ANKS1B: variants seen among roughly 807,000 people sequenced by gnomAD.
The protein encoded by ANKS1B is ankyrin repeat and sterile alpha motif domain-containing protein 1B.
In ANKS1B, 36 loss-of-function variants were observed where a neutral mutation model predicts 148.3. That is an observed-to-expected ratio of 0.24 (90% confidence interval 0.19 to 0.32). The LOEUF is 0.32. ANKS1B is among the 10% of genes least tolerant of loss of function. The pLI is 1.00. For synonymous variants in ANKS1B, 542 were observed against 560.8 expected, an observed-to-expected ratio of 0.97 and a Z score of 0.47; for missense variants, 1,157 against 1,542.6, an observed-to-expected ratio of 0.75 and a Z score of 4.19.
At chr12:99,599,463 G>A (rs2097783881) in intron 9 of ANKS1B, among the ~76,000 whole-genome samples, 1 of 152,040 alleles carries the variant, frequency 6.6e-6, no homozygotes, top group South Asian at 2.1e-4. Flanking sequence ...AAATTGACAT[G>A]TTTTGATTTG....
chr12:99,579,325 A>C (rs1305349656), intron 9 of ANKS1B, among the ~76,000 whole-genome samples: 2 of 152,120 alleles, frequency 1.3e-5, no homozygotes, highest in African/African-American at 2.4e-5. Flanking sequence ...AAAGCAATGG[A>C]AACAAAAACA....
At chr12:99,048,345 G>T (rs2099963783) in intron 17 of ANKS1B, among the ~76,000 whole-genome samples, 1 of 152,180 alleles carries the variant, frequency 6.6e-6, no homozygotes, top group Admixed American at 6.5e-5. Context: ...TTTTTCTGAA[G>T]TTCATTTGTT....
chr12:99,577,647 C>A (rs1043579073), intron 9 of ANKS1B, among the ~76,000 whole-genome samples: 1 of 151,986 alleles, frequency 6.6e-6, no homozygotes, highest in Non-Finnish European at 1.5e-5. Flanking sequence ...TGGAAACATA[C>A]AACCTCCCAA....
intron 8 of ANKS1B, among the ~76,000 whole-genome samples, chr12:99,727,605 C>T (rs947490572): frequency 6.6e-6 from 1 of 152,150 alleles, no homozygotes; most frequent in Non-Finnish European, 1.5e-5. Flanking sequence ...CATCAAGCTA[C>T]CATTGACAAT....
At chr12:99,613,164 G>A (rs1330064305) in intron 9 of ANKS1B, among the ~76,000 whole-genome samples, 3 of 152,106 alleles carry the variant, frequency 2.0e-5, no homozygotes, top group Non-Finnish European at 4.4e-5. Context: ...AGTAAAGAAG[G>A]CATTTTCGAC....
At chr12:99,580,013 AG>A (rs1188727170) in intron 9 of ANKS1B, among the ~76,000 whole-genome samples, 1 of 152,220 alleles carries the variant, frequency 6.6e-6, no homozygotes, top group African/African-American at 2.4e-5. Context: ...AATACTATGC[AG>A]CCATAAAAAG....
At position 99,590,260 on chromosome 12, in the gene ANKS1B, A is replaced by ACC. The variant is rs1555503151; in HGVS notation, c.1272+64806_1272+64807insGG. On this transcript the variant is annotated intron_variant, in intron 9 of 26. Coordinates refer to ENST00000683438, the MANE Select transcript of ANKS1B (RefSeq NM_001352186.2). Reference sequence around the variant, plus strand: ...CATTCACTCACACCCACACCCACCCACACACACACACACACACACACACAC... The same window carrying ACC: ...CATTCACTCACACCCACACCCACCCACCCACACACACACACACACACACACAC... Among the ~76,000 whole-genome samples, 460 of 127,838 alleles carry ACC rather than the reference A, an allele frequency of 3.6e-3. 2 individuals carry two copies. The highest frequency in any genetic ancestry group is 7.8e-3 in the African/African-American group (260 of 33,448). 83.9% of individuals were successfully genotyped at this position (127,838 alleles called of 152,430 possible).
At chr12:99,895,551 C>A (rs2093351837) in intron 1 of ANKS1B, among the ~76,000 whole-genome samples, 1 of 150,662 alleles carries the variant, frequency 6.6e-6, no homozygotes, top group Admixed American at 6.7e-5. Flanking sequence ...AACAGGATAT[C>A]CAGAAAGACA....
rs138935201 is a variant in ANKS1B at position 99,142,434 on chromosome 12, G to A, written c.2526+11855C>T. On this transcript the variant is annotated intron_variant, in intron 15 of 26. Coordinates refer to ENST00000683438, the MANE Select transcript of ANKS1B (RefSeq NM_001352186.2). ...GCATTATTTTGGGAGGCTTGGTTAT[G>A]AAGGGAAGAAGAGTAAGTGGATAGT... Among the ~76,000 whole-genome samples, 241 of 152,190 alleles carry A rather than the reference G, an allele frequency of 1.6e-3. 1 individual carries two copies. The highest frequency in any genetic ancestry group is 3.0e-3 in the Non-Finnish European group (204 of 67,984).
chr12:99,500,666 G>T (rs997920344), intron 10 of ANKS1B, among the ~76,000 whole-genome samples: 1 of 152,094 alleles, frequency 6.6e-6, no homozygotes, highest in African/African-American at 2.4e-5. Context: ...TCCAGGTAAG[G>T]TTAAGTACTC....
chr12:99,637,767 A>T (rs1200108402), intron 9 of ANKS1B, among the ~76,000 whole-genome samples: 1 of 149,512 alleles, frequency 6.7e-6, no homozygotes, highest in Non-Finnish European at 1.5e-5. Flanking sequence ...TGTGAGTTTA[A>T]CACTCCTTAA....
chr12:99,935,431 G>A (rs1267597015), intron 1 of ANKS1B, among the ~76,000 whole-genome samples: 1 of 151,616 alleles, frequency 6.6e-6, no homozygotes, highest in African/African-American at 2.4e-5. Flanking sequence ...TTGTGGTCAG[G>A]AGTCTGAATT....
At chr12:99,972,611 A>C (rs1456067016) in intron 1 of ANKS1B, among the ~76,000 whole-genome samples, 1 of 152,234 alleles carries the variant, frequency 6.6e-6, no homozygotes, top group Non-Finnish European at 1.5e-5. Flanking sequence ...AGGGGGCTTA[A>C]GGAAAAAAGC....
At chr12:99,068,902 T>C (rs2045410087) in intron 16 of ANKS1B, among the ~76,000 whole-genome samples, 2 of 152,334 alleles carry the variant, frequency 1.3e-5, no homozygotes, top group South Asian at 4.1e-4. Context: ...ACCATCCACC[T>C]GCCCAAAAAG....
At chr12:99,326,716 T>C (rs1602975157) in intron 12 of ANKS1B, among the ~76,000 whole-genome samples, 1 of 151,684 alleles carries the variant, frequency 6.6e-6, no homozygotes, top group South Asian at 2.1e-4. Context: ...TTTTAATTTT[T>C]TTTTTACAAA....
intron 8 of ANKS1B, among the ~76,000 whole-genome samples, chr12:99,752,720 T>A (rs539239965): frequency 6.6e-6 from 1 of 152,022 alleles, no homozygotes; most frequent in African/African-American, 2.4e-5. Flanking sequence ...ATACAACTTA[T>A]AATTCTGATA....
intron 1 of ANKS1B, among the ~76,000 whole-genome samples, chr12:99,940,289 T>C (rs1443831461): frequency 1.3e-5 from 2 of 152,124 alleles, no homozygotes; most frequent in Non-Finnish European, 1.5e-5. Flanking sequence ...ATGTCCTAAA[T>C]AGGGCATGAC....
intron 13 of ANKS1B, 117 bp downstream of exon 13, chr12:99,246,158 G>C: frequency 1.4e-6 from 1 of 730,062 alleles, no homozygotes. Flanking sequence ...TCCAGTTGGA[G>C]CCGTATGCTT....
chr12:99,052,625 G>A (rs2099966890), intron 17 of ANKS1B, among the ~76,000 whole-genome samples: 1 of 148,214 alleles, frequency 6.7e-6, no homozygotes, highest in African/African-American at 2.5e-5. Flanking sequence ...CTACTCGGGA[G>A]GCTGAGGCAG....
Sources: gnomAD v4.1 joint callset for allele counts (sites outside exome capture counted in the v4.1 genomes callset) on GRCh38, gnomAD v4.1.1 for gene constraint, MANE v1.5 for transcripts, NCBI Gene and HGNC (gene_info 2026-07-23, HGNC 2026-07-21) for gene names.